The following FAT4 variants were observed in gnomAD, a reference collection of about 807,000 sequenced individuals.
The protein encoded by FAT4 is FAT atypical cadherin 4.
In FAT4, 84 loss-of-function variants were observed where a neutral mutation model predicts 303.9. The ratio of observed to expected loss-of-function variants is 0.28; its 90% CI spans 0.23 to 0.33. The LOEUF (loss-of-function observed/expected upper bound fraction) is 0.33, where lower values mean the gene tolerates loss of function less well. Ranked by LOEUF, FAT4 falls within the 10% of genes least tolerant of loss-of-function variation. The pLI is 1.00. For synonymous variants in FAT4, 2,307 were observed against 2,298.8 expected (o/e 1.00, Z -0.10); for missense variants, 6,005 against 6,146.8 (o/e 0.98, Z 0.77).
rs749437999 is a variant in FAT4, at chr4:125,450,812, C to G, written c.9802C>G (p.Leu3268Val). 6 of 1,614,152 alleles carry G rather than the reference C, an allele frequency of 3.7e-6. No homozygotes were observed. Among genetic ancestry groups the G allele is most frequent in the Non-Finnish European group, 5.1e-6 (6 of 1,180,028 alleles). ...LDFETKQSYH[L>V]TVKAFNVPDE... ...TTTTGAAACCAAGCAGAGCTACCAT[C>G]TTACTGTGAAAGCCTTCAATGTCCC... Residue 3268 changes from leucine (L) to valine (V), a missense_variant, in exon 10 of 18, where the codon CTT (leucine) becomes GTT (valine). Physicochemically the swap from Leu to Val is conservative, Grantham distance 32 (BLOSUM62 1). Transcript: ENST00000394329.
chr4:125,479,820 C>A lies in FAT4; in HGVS notation c.12559C>A (p.Gln4187Lys), dbSNP rs532579253. 3 of 1,601,930 alleles carry A rather than the reference C, an allele frequency of 1.9e-6. No individual in the cohort carries two copies. The East Asian group carries it at 6.7e-5, about 36-fold the overall frequency. ...GTCMDYWSWQ[Q>K]CHCKEGLTGK... ...ATGTATGGATTACTGGTCATGGCAGCAGTGTCATTGCAAAGAGGGACTCAC... is the reference window on the plus strand; with the variant it reads ...ATGTATGGATTACTGGTCATGGCAGAAGTGTCATTGCAAAGAGGGACTCAC... Residue 4187 changes from glutamine (Q) to lysine (K), a missense_variant, in exon 15 of 18, where the codon CAG becomes AAG. Transcript: ENST00000394329.
At chr4:125,463,540 A>C (rs1396802776) in intron 10 of FAT4, 23 bp from the exon 11 acceptor site, 1 of 1,462,676 alleles carries the variant, frequency 6.8e-7, no homozygotes. Context: ...GATTTAAAAA[A>C]AACTGAATTT....
At chr4:125,430,614 A>T (rs1725252832) in intron 7 of FAT4, among the ~76,000 whole-genome samples, 1 of 151,868 alleles carries the variant, frequency 6.6e-6, no homozygotes, top group African/African-American at 2.4e-5. Context: ...GGGTAATAAG[A>T]AAGTTGAGAC....
At chr4:125,327,679 A>G (rs1731211700) in intron 2 of FAT4, among the ~76,000 whole-genome samples, 1 of 152,210 alleles carries the variant, frequency 6.6e-6, no homozygotes, top group South Asian at 2.1e-4. Flanking sequence ...CTAGATTTCT[A>G]TAGACATAAC....
chr4:125,396,013 ATCCAGAT>A (rs549243104), intron 2 of FAT4, among the ~76,000 whole-genome samples: 9 of 152,178 alleles, frequency 5.9e-5, no homozygotes, highest in Non-Finnish European at 1.3e-4. Context: ...TATGTAAGTG[ATCCAGAT>A]TCCAGATGTG....
chr4:125,418,024 C>T (rs1735139836), intron 7 of FAT4, among the ~76,000 whole-genome samples: 1 of 152,130 alleles, frequency 6.6e-6, no homozygotes, highest in African/African-American at 2.4e-5. Flanking sequence ...TTAGAATCTA[C>T]AGTTTAATCT....
At position 125,451,326 on chromosome 4, in the gene FAT4, G is replaced by C; in HGVS notation, c.10316G>C (p.Trp3439Ser). 1 of 1,614,094 alleles carries C rather than the reference G, an allele frequency of 6.2e-7. No individual in the cohort carries two copies. Among genetic ancestry groups the C allele is most frequent in the Non-Finnish European group, 8.5e-7 (1 of 1,179,998 alleles). ...TTTGACTCAGACTCCATCCCCAGCT[G>C]GAGCAGGTTTTCTTACTTCATCGGA... ...SAFDSDSIPS[W>S]SRFSYFIGSG... Residue 3439 changes from tryptophan to serine, a missense_variant, in exon 10 of 18, where the codon TGG becomes TCG. Physicochemically the swap from Trp to Ser is radical, Grantham distance 177. Coordinates refer to ENST00000394329, the MANE Select transcript of FAT4 (RefSeq NM_001291303.3).
rs1405025126 is a variant in FAT4 at position 125,490,647 on chromosome 4, C to G, written c.13831C>G (p.Pro4611Ala). ...PHNSETIPSAPLASPEQEIEH... is the reference protein window; with the variant it reads ...PHNSETIPSAALASPEQEIEH... Reference sequence around the variant, plus strand: ...CAACTCAGAAACCATCCCCAGCGCCCCTTTGGCATCTCCAGAGCAGGAGAT... The same window carrying G: ...CAACTCAGAAACCATCCCCAGCGCCGCTTTGGCATCTCCAGAGCAGGAGAT... The change falls in exon 18 of 18, where the codon CCT (proline) becomes GCT (alanine). Residue 4611 changes from proline (P) to alanine (A), a missense_variant. Physicochemically the swap from Pro to Ala is conservative, Grantham distance 27. Coordinates refer to ENST00000394329, the MANE Select transcript of FAT4 (RefSeq NM_001291303.3). The G allele has an allele frequency of 1.2e-6, 2 of 1,614,156 alleles. No homozygotes were observed. Among genetic ancestry groups the G allele is most frequent in the South Asian group, 2.2e-5 (2 of 91,072 alleles).
intron 2 of FAT4, among the ~76,000 whole-genome samples, chr4:125,331,863 G>T (rs1731399730): frequency 6.6e-6 from 1 of 152,074 alleles, no homozygotes. Flanking sequence ...ACGCAGCAAA[G>T]AAAATACTGC....
chr4:125,412,579 G>A (rs1295132425), intron 5 of FAT4, among the ~76,000 whole-genome samples: 1 of 151,632 alleles, frequency 6.6e-6, no homozygotes, highest in African/African-American at 2.4e-5. Flanking sequence ...CTTTATAAAA[G>A]AGGCTGTTCT....
chr4:125,339,192 C>T (rs1731681231), intron 2 of FAT4, among the ~76,000 whole-genome samples: 2 of 152,094 alleles, frequency 1.3e-5, no homozygotes, highest in African/African-American at 4.8e-5. Flanking sequence ...GAGACGGAGT[C>T]TTGCCCTGTC....
rs1725960663 is a variant in FAT4 at position 125,449,433 on chromosome 4, T to C, written c.8423T>C (p.Ile2808Thr). ...TSDEDIGINA[I>T]SRYSIMDASL... ...GATGAAGACATTGGGATCAATGCAA[T>C]TAGTAGATATTCTATAATGGATGCA... is the stretch of plus-strand genomic sequence containing the variant. The change falls in exon 10 of 18, where the codon ATT (isoleucine) becomes ACT (threonine). Residue 2808 changes from isoleucine (I) to threonine (T), a missense_variant. Transcript: ENST00000394329. 6.2e-7 allele frequency: 1 copy of C among 1,613,716 alleles called. No individual in the cohort carries two copies. Among genetic ancestry groups the C allele is most frequent in the Admixed American group, 1.7e-5 (1 of 59,962 alleles).
At chr4:125,376,638 G>A (rs1018487364) in intron 2 of FAT4, among the ~76,000 whole-genome samples, 2 of 152,180 alleles carry the variant, frequency 1.3e-5, no homozygotes, top group African/African-American at 4.8e-5. Context: ...GGTGGCTCAT[G>A]CCTGTAATCC....
At chr4:125,368,882 T>A (rs1164935965) in intron 2 of FAT4, among the ~76,000 whole-genome samples, 1 of 152,160 alleles carries the variant, frequency 6.6e-6, no homozygotes. Context: ...TTGAAGGAAT[T>A]TAAAGTTTCA....
At chr4:125,438,569 A>G (rs1343970657) in intron 8 of FAT4, among the ~76,000 whole-genome samples, 3 of 152,196 alleles carry the variant, frequency 2.0e-5, no homozygotes, top group Admixed American at 6.5e-5. Context: ...GACTCTACAG[A>G]CTATCATATA....
chr4:125,468,676 C>A lies in FAT4; in HGVS notation c.12070C>A (p.Arg4024=), dbSNP rs138019311. The change falls in exon 12 of 18, where the codon CGG becomes AGG. Residue 4024 remains arginine (R), a synonymous_variant. Coordinates refer to ENST00000394329, the MANE Select transcript of FAT4 (RefSeq NM_001291303.3). ...CAACTATGACAACCAGACAGGCGAC[C>A]GGGCTGAGTTTTTGGCCCTTGAAAT... The part of the protein sequence containing the change: ...LYNYDNQTGD[R]AEFLALEIAE... 3 of 1,614,072 alleles carry A rather than the reference C, an allele frequency of 1.9e-6. No homozygotes were observed. The highest frequency in any genetic ancestry group is 2.5e-6 in the Non-Finnish European group (3 of 1,180,010).
At position 125,317,311 on chromosome 4, in the gene FAT4, T is replaced by A. The variant is rs377494101; in HGVS notation, c.900T>A (p.Pro300=). Reference sequence around the variant, plus strand: ...AGGGGACCCCCTTCCAAATGGACCCTGAGACGGGACTTATCACGGTGCGGG... The same window carrying A: ...AGGGGACCCCCTTCCAAATGGACCCAGAGACGGGACTTATCACGGTGCGGG... ...QDEGTPFQMD[P]ETGLITVREP... is the part of the protein sequence containing the mutation. Residue 300 remains proline, a synonymous_variant, in exon 2 of 18, where the codon CCT becomes CCA. Transcript: ENST00000394329. The surrounding 1 kb of genome is among the most constrained non-coding windows in gnomAD (Gnocchi z 7.0). 9 of 1,604,238 alleles carry A rather than the reference T, an allele frequency of 5.6e-6. No homozygotes were observed. The highest frequency in any genetic ancestry group is 1.7e-5 in the Admixed American group (1 of 59,654).
chr4:125,403,708 C>T (rs1734477618), intron 3 of FAT4, among the ~76,000 whole-genome samples: 1 of 152,144 alleles, frequency 6.6e-6, no homozygotes, highest in Non-Finnish European at 1.5e-5. Context: ...CAAAGCAGGT[C>T]CTATTCTTGA....
intron 2 of FAT4, among the ~76,000 whole-genome samples, chr4:125,334,284 A>T (rs1309939377): frequency 6.6e-6 from 1 of 152,074 alleles, no homozygotes; most frequent in Non-Finnish European, 1.5e-5. Flanking sequence ...CGGCTTCAAG[A>T]TGAAGCCTTT....
Sources: allele counts gnomAD v4.1 joint callset (sites outside exome capture counted in the v4.1 genomes callset), GRCh38; gene constraint gnomAD v4.1.1; non-coding constraint Gnocchi (gnomAD v3.1); transcripts MANE v1.5; gene names NCBI Gene and HGNC (gene_info 2026-07-23, HGNC 2026-07-21).